MIX23: variants seen among roughly 807,000 people sequenced by gnomAD.
MIX23 encodes protein MIX23.
In MIX23, 13 loss-of-function variants were observed where a neutral mutation model predicts 21.6. The observed-to-expected ratio is 0.60, with a 90% CI of 0.39 to 0.96. The LOEUF (loss-of-function observed/expected upper bound fraction) is 0.96, where lower values mean the gene tolerates loss of function less well. Ranked by LOEUF, MIX23 falls within the 40% of genes least tolerant of loss-of-function variation. The pLI, the probability that MIX23 is intolerant of heterozygous loss-of-function variation, is 0.00. For missense variants in MIX23, 144 were observed against 171.2 expected, an observed-to-expected ratio of 0.84 and a Z score of 0.89; for synonymous variants, 59 against 58.0, an observed-to-expected ratio of 1.02 and a Z score of -0.08.
At chr3:122,377,614 T>G (rs978762651) in intron 1 of MIX23, among the ~76,000 whole-genome samples, 3 of 152,302 alleles carry the variant, frequency 2.0e-5, no homozygotes, top group Admixed American at 6.5e-5. Flanking sequence ...TTTGGCAGAT[T>G]CAGGCGGGAG....
At chr3:122,364,154 C>T (rs992608597) in intron 3 of MIX23, among the ~76,000 whole-genome samples, 2 of 152,194 alleles carry the variant, frequency 1.3e-5, no homozygotes, top group Non-Finnish European at 2.9e-5. Context: ...GTGGCAACAA[C>T]GATAAGAATG....
intron 1 of MIX23, among the ~76,000 whole-genome samples, chr3:122,372,488 G>C (rs181973848): frequency 2.4e-4 from 37 of 151,868 alleles, no homozygotes; most frequent in African/African-American, 7.7e-4. Context: ...ACAAGAACAA[G>C]AACAACAACA....
chr3:122,369,371 T>A (rs1269125631), intron 2 of MIX23, among the ~76,000 whole-genome samples: 1 of 152,214 alleles, frequency 6.6e-6, no homozygotes, highest in Admixed American at 6.5e-5. Context: ...AAGGCAAATA[T>A]CCCTTCTTCA....
chr3:122,365,381 G>C (rs2075388967), intron 3 of MIX23: 1 of 152,068 alleles, frequency 6.6e-6, no homozygotes, highest in Non-Finnish European at 1.5e-5. Flanking sequence ...AAGTATCTCT[G>C]AGTCTTTTTC....
At chr3:122,363,312 C>T (rs1206198110) in intron 3 of MIX23, among the ~76,000 whole-genome samples, 1 of 147,784 alleles carries the variant, frequency 6.8e-6, no homozygotes, top group Non-Finnish European at 1.5e-5. Flanking sequence ...AGAAGACATA[C>T]AAAAGGCCAG....
At chr3:122,372,354 TC>T (rs1168754968) in intron 1 of MIX23, among the ~76,000 whole-genome samples, 4 of 152,128 alleles carry the variant, frequency 2.6e-5, no homozygotes, top group Non-Finnish European at 5.9e-5. Context: ...GTACTTCTTT[TC>T]ACTTGTCACT....
intron 3 of MIX23, among the ~76,000 whole-genome samples, chr3:122,363,374 G>A (rs1368908900): frequency 6.7e-6 from 1 of 149,320 alleles, no homozygotes; most frequent in Non-Finnish European, 1.5e-5. Flanking sequence ...TGCAAATTAA[G>A]CCATAACATG....
chr3:122,373,276 GTTT>G (rs11328387), intron 1 of MIX23, among the ~76,000 whole-genome samples: 1 of 145,190 alleles, frequency 6.9e-6, no homozygotes, highest in East Asian at 2.0e-4. Context: ...TGTCTTGAAA[GTTT>G]TTTTTTTTTT....
chr3:122,381,898 C>T (rs1210194245), intron 1 of MIX23, among the ~76,000 whole-genome samples: 2 of 151,986 alleles, frequency 1.3e-5, no homozygotes, highest in Non-Finnish European at 2.9e-5. Context: ...ACTCTTTTTC[C>T]CCCCTTAAAT....
chr3:122,383,018 C>T lies in MIX23; in HGVS notation c.51+156G>A. The T allele has an allele frequency of 6.3e-6, 6 of 948,264 alleles. 1 individual carries two copies. In the South Asian group the frequency reaches 8.1e-5, roughly 13 times the overall value. 58.7% of individuals were successfully genotyped at this position (948,264 alleles called of 1,614,324 possible). On this transcript the variant is annotated intron_variant, in intron 1 of 4. Transcript: ENST00000291458. ...TACAGAGCAGCCTCGCTCCCTAAGG[C>T]CAAACCCGCGCCCCCCATGACCTCC...
chr3:122,372,453 T>C (rs992213007), intron 1 of MIX23, among the ~76,000 whole-genome samples: 3 of 152,084 alleles, frequency 2.0e-5, no homozygotes, highest in African/African-American at 7.2e-5. Flanking sequence ...TTCTTTTTAG[T>C]TTCTCAAATT....
rs954599815 is a variant in MIX23 at position 122,380,775 on chromosome 3, G to T, written c.51+2399C>A. 7.9e-5 allele frequency among the ~76,000 whole-genome samples: 12 copies of T among 152,320 alleles called. 1 individual carries two copies. The highest frequency in any genetic ancestry group is 7.8e-4 in the Admixed American group (12 of 15,302). ...ATAGCATATGCCACAGTATTATGGA[G>T]ATTAGATTGAAGGGGGAATATAGTA... On this transcript the variant is annotated intron_variant, in intron 1 of 4. Transcript: ENST00000291458.
chr3:122,380,933 C>G (rs977734339), intron 1 of MIX23, among the ~76,000 whole-genome samples: 3 of 152,132 alleles, frequency 2.0e-5, no homozygotes, highest in African/African-American at 7.2e-5. Flanking sequence ...CACCCCTCTG[C>G]CCAAAAAGGA....
intron 1 of MIX23, among the ~76,000 whole-genome samples, chr3:122,377,601 C>G (rs947304385): frequency 1.3e-4 from 20 of 152,178 alleles, no homozygotes; most frequent in African/African-American, 4.8e-4. Flanking sequence ...GTAATCCCAG[C>G]TCTTTGGCAG....
chr3:122,362,466 ATTTTG>A (rs1242650306), intron 4 of MIX23, among the ~76,000 whole-genome samples: 2 of 151,536 alleles, frequency 1.3e-5, no homozygotes, highest in South Asian at 4.2e-4. Context: ...TATAAAGCTA[ATTTTG>A]TTTTGTTTTG....
intron 1 of MIX23, among the ~76,000 whole-genome samples, chr3:122,378,635 C>A (rs865831000): frequency 6.6e-6 from 1 of 152,164 alleles, no homozygotes. Context: ...CACAGTGATA[C>A]TTGTGTATCT....
intron 1 of MIX23, among the ~76,000 whole-genome samples, chr3:122,378,193 C>T (rs2075503399): frequency 1.3e-5 from 2 of 152,210 alleles, no homozygotes; most frequent in African/African-American, 4.8e-5. Flanking sequence ...TAGACGACTG[C>T]AGCAATCCAC....
chr3:122,366,052 C>A (rs1490099723), intron 3 of MIX23, among the ~76,000 whole-genome samples: 1 of 151,954 alleles, frequency 6.6e-6, no homozygotes, highest in Non-Finnish European at 1.5e-5. Flanking sequence ...GTGGCAGGCA[C>A]CTGTAACCCC....
chr3:122,359,901 G>C lies in MIX23; in HGVS notation c.403C>G (p.Arg135Gly). Residue 135 changes from arginine to glycine, a missense_variant, in exon 5 of 5, where the codon CGA becomes GGA. Physicochemically the swap from Arg to Gly is moderately radical, Grantham distance 125 (BLOSUM62 -2). Coordinates refer to ENST00000291458, the MANE Select transcript of MIX23 (RefSeq NM_001017928.4). ...RSWKVFNERC[R>G]IHFKPPKNE Reference sequence around the variant, plus strand: ...TTCTTTGGAGGCTTGAAGTGAATTCGGCAGCGTTCATTAAACACCTAAAAT... The same window carrying C: ...TTCTTTGGAGGCTTGAAGTGAATTCCGCAGCGTTCATTAAACACCTAAAAT... 4 of 1,555,896 alleles carry C rather than the reference G, an allele frequency of 2.6e-6. No individual in the cohort carries two copies. The highest frequency in any genetic ancestry group is 3.5e-6 in the Non-Finnish European group (4 of 1,155,910).
Sources: gnomAD v4.1 joint callset for allele counts (sites outside exome capture counted in the v4.1 genomes callset) on GRCh38, gnomAD v4.1.1 for gene constraint, MANE v1.5 for transcripts, NCBI Gene and HGNC (gene_info 2026-07-23, HGNC 2026-07-21) for gene names.